NCOR2: variants seen among roughly 807,000 people sequenced by gnomAD.
NCOR2 encodes the protein CTG repeat protein 26.
In NCOR2, 81 loss-of-function variants were observed where a neutral mutation model predicts 262.9. The observed-to-expected ratio is 0.31, with a 90% CI of 0.26 to 0.37. The LOEUF (loss-of-function observed/expected upper bound fraction) is 0.37. Among genes scored for constraint, NCOR2 ranks in the 10% least tolerant of loss-of-function variants. The probability of loss-of-function intolerance (pLI) is 1.00; values close to 1 mark genes in which losing one functional copy is unlikely to be tolerated. For missense variants in NCOR2, 3,385 were observed against 3,621.4 expected, an observed-to-expected ratio of 0.93 and a Z score of 1.68; for synonymous variants, 1,659 against 1,559.3, an observed-to-expected ratio of 1.06 and a Z score of -1.51.
In NCOR2 at chr12:124,483,828, C is replaced by G; in HGVS notation, c.234-55G>C. ...TAGGAGATTGCGGCTCTGAGAACTC[C>G]CGAGGCCCCGACCACCCTCTGCGCC... is the stretch of plus-strand genomic sequence containing the variant. On this transcript the variant is annotated intron_variant, in intron 2 of 46. Transcript: ENST00000405201. This position sits in a 1 kb window ranked among gnomAD's most constrained non-coding sequence, Gnocchi z 6.3. The G allele has an allele frequency of 6.8e-7, 1 of 1,478,558 alleles. No homozygotes were observed. Among genetic ancestry groups the G allele is most frequent in the South Asian group, 1.4e-5 (1 of 73,446 alleles). 91.6% of individuals were successfully genotyped at this position (1,478,558 alleles called of 1,614,324 possible).
chr12:124,507,189 G>A (rs902355419), intron 1 of NCOR2, among the ~76,000 whole-genome samples: 6 of 152,304 alleles, frequency 3.9e-5, no homozygotes, highest in African/African-American at 1.4e-4. Flanking sequence ...GGGACCAGGG[G>A]CTGGGGAGAG....
intron 10 of NCOR2, among the ~76,000 whole-genome samples, chr12:124,429,136 G>A (rs941516571): frequency 5.3e-5 from 8 of 152,238 alleles, no homozygotes; most frequent in Non-Finnish European, 1.0e-4. Flanking sequence ...TCGTGGCTGC[G>A]TGGACAGCTG....
At chr12:124,476,253 C>T (rs1360227695) in intron 3 of NCOR2, among the ~76,000 whole-genome samples, 2 of 152,212 alleles carry the variant, frequency 1.3e-5, no homozygotes, top group Non-Finnish European at 2.9e-5. Context: ...CCCACGCCAC[C>T]GCCCAGGCCC....
chr12:124,385,848 C>T (rs761858151), exon 17 of NCOR2: 11 of 1,613,722 alleles, frequency 6.8e-6, no homozygotes, highest in East Asian at 4.5e-5. Flanking sequence ...GCCCACCATC[C>T]GGGCGATGGC....
At position 124,543,351 on chromosome 12, in the gene NCOR2, G is replaced by A. The variant is rs546952965; in HGVS notation, c.-164-7740C>T. 9.2e-5 allele frequency among the ~76,000 whole-genome samples: 14 copies of A among 152,318 alleles called. No homozygotes were observed. The East Asian group carries it at 2.7e-3, about 29-fold the overall frequency. On this transcript the variant is annotated intron_variant, in intron 1 of 32. Transcript: ENST00000458234. Reference sequence around the variant, plus strand: ...AGCCGCTGCAAAAAACCATGACAACGATCATCACAATAATAACAGCCCTCA... The same window carrying A: ...AGCCGCTGCAAAAAACCATGACAACAATCATCACAATAATAACAGCCCTCA...
At chr12:124,346,825 T>A in exon 31 of NCOR2, 2 of 1,580,344 alleles carry the variant, frequency 1.3e-6, no homozygotes, top group Non-Finnish European at 1.7e-6. Context: ...AGTCCTCCTG[T>A]GCCTCCACGT....
chr12:124,442,378 G>C (rs2044860255), intron 7 of NCOR2, among the ~76,000 whole-genome samples: 1 of 152,182 alleles, frequency 6.6e-6, no homozygotes, highest in Non-Finnish European at 1.5e-5. Context: ...AGCCTCAAGT[G>C]ATCCTCCCAC....
In NCOR2 at chr12:124,440,350, T is replaced by G. The variant is rs77244677; in HGVS notation, c.816-2354A>C. Among the ~76,000 whole-genome samples, 154 of 152,234 alleles carry G rather than the reference T, an allele frequency of 1.0e-3. No homozygotes were observed. The highest frequency in any genetic ancestry group is 3.6e-3 in the African/African-American group (151 of 41,538). The stretch of plus-strand genomic sequence containing the variant: ...CCTCATGGGGCTCAAGGGCCTGGAA[T>G]CCACCTCAGTCCCCGGGTCATTCTG... On this transcript the variant is annotated intron_variant, in intron 7 of 46. Coordinates refer to ENST00000405201, the Ensembl canonical transcript of NCOR2. This position sits in a 1 kb window ranked among gnomAD's most constrained non-coding sequence, Gnocchi z 5.7.
chr12:124,541,777 T>G (rs1170602518), intron 1 of NCOR2, among the ~76,000 whole-genome samples: 3 of 5,194 alleles, frequency 5.8e-4, no homozygotes, highest in Admixed American at 2.5e-3. Flanking sequence ...TGGGGGTGGA[T>G]ATGGAGGGGG....
intron 4 of NCOR2, among the ~76,000 whole-genome samples, chr12:124,471,768 T>G (rs1416551578): frequency 2.0e-5 from 3 of 152,246 alleles, no homozygotes; most frequent in Non-Finnish European, 4.4e-5. Context: ...GGTCTCGCTA[T>G]GTTGCCCACG....
intron 7 of NCOR2, among the ~76,000 whole-genome samples, chr12:124,446,379 T>C (rs1228676712): frequency 1.3e-5 from 2 of 152,182 alleles, no homozygotes; most frequent in Non-Finnish European, 2.9e-5. Flanking sequence ...TCATCACTAT[T>C]ATAAACTTCA....
At chr12:124,455,391 G>A (rs1036186227) in intron 6 of NCOR2, among the ~76,000 whole-genome samples, 5 of 152,224 alleles carry the variant, frequency 3.3e-5, no homozygotes, top group African/African-American at 1.2e-4. Context: ...GATGTGCCTG[G>A]AGGGGGCAGA....
chr12:124,358,671 C>T (rs184245620), intron 22 of NCOR2, among the ~76,000 whole-genome samples: 159 of 152,278 alleles, frequency 1.0e-3, no homozygotes, highest in Admixed American at 5.2e-3. Flanking sequence ...AATACTTAGC[C>T]GAGTCAGGAT....
chr12:124,414,686 G>C (rs1330580521), intron 13 of NCOR2, among the ~76,000 whole-genome samples: 2 of 152,252 alleles, frequency 1.3e-5, no homozygotes, highest in African/African-American at 2.4e-5. Context: ...GACGACATCG[G>C]GGAAGAGGCA....
chr12:124,401,421 G>C (rs971632353), intron 14 of NCOR2, among the ~76,000 whole-genome samples: 1 of 152,238 alleles, frequency 6.6e-6, no homozygotes, highest in Non-Finnish European at 1.5e-5. Flanking sequence ...GATACTGTCT[G>C]CAAGACTATT....
chr12:124,336,833 G>T (rs1162999237), exon 38 of NCOR2: 1 of 1,612,912 alleles, frequency 6.2e-7, no homozygotes, highest in Non-Finnish European at 8.5e-7. Context: ...GGCCGAGGCA[G>T]GTGGCGCCGG....
chr12:124,547,131 A>G (rs1331352539), intron 1 of NCOR2, among the ~76,000 whole-genome samples: 1 of 152,068 alleles, frequency 6.6e-6, no homozygotes, highest in Non-Finnish European at 1.5e-5. Flanking sequence ...CTGGGATTAC[A>G]GGCACTCGCC....
chr12:124,357,811 C>T (rs577671820), intron 22 of NCOR2, among the ~76,000 whole-genome samples: 38 of 149,958 alleles, frequency 2.5e-4, no homozygotes, highest in South Asian at 6.4e-4. Context: ...TGTGTGTGCG[C>T]GCACGCGCGT....
chr12:124,530,612 G>A (rs982150766), intron 1 of NCOR2, among the ~76,000 whole-genome samples: 3 of 152,176 alleles, frequency 2.0e-5, no homozygotes, highest in Non-Finnish European at 2.9e-5. Context: ...CCTGATGTAT[G>A]AGCATTGGAC....
Sources: gnomAD v4.1 joint callset for allele counts (sites outside exome capture counted in the v4.1 genomes callset) on GRCh38, gnomAD v4.1.1 for gene constraint, Gnocchi (gnomAD v3.1) non-coding constraint, MANE v1.5 for transcripts, NCBI Gene and HGNC (gene_info 2026-07-23, HGNC 2026-07-21) for gene names.